The following TMEM108 variants were observed in gnomAD, a reference collection of about 807,000 sequenced individuals.
TMEM108 encodes transmembrane protein 108.
TMEM108 carries 12 observed loss-of-function variants against 35.1 expected under a neutral mutation model. That is an observed-to-expected ratio of 0.34 (90% CI 0.22 to 0.55). The LOEUF (loss-of-function observed/expected upper bound fraction) is 0.55. Among genes scored for constraint, TMEM108 ranks in the 20% least tolerant of loss-of-function variants. The probability of loss-of-function intolerance (pLI) is 0.89; values close to 1 mark genes in which losing one functional copy is unlikely to be tolerated. For synonymous variants in TMEM108, 287 were observed against 308.6 expected, an observed-to-expected ratio of 0.93 and a Z score of 0.73; for missense variants, 680 against 753.3, an observed-to-expected ratio of 0.90 and a Z score of 1.14.
chr3:133,321,961 T>A (rs940780486), intron 3 of TMEM108, among the ~76,000 whole-genome samples: 1 of 152,116 alleles, frequency 6.6e-6, no homozygotes, highest in Non-Finnish European at 1.5e-5. Flanking sequence ...AGATGGAAAT[T>A]AAAAATCCTT....
At chr3:133,340,462 A>C (rs145232205) in intron 3 of TMEM108, among the ~76,000 whole-genome samples, 276 of 151,706 alleles carry the variant, frequency 1.8e-3, no homozygotes, top group Non-Finnish European at 3.5e-3. Flanking sequence ...TAGCAAAGAA[A>C]AGCCCAGTCT....
intron 2 of TMEM108, among the ~76,000 whole-genome samples, chr3:133,218,609 T>C (rs1329328406): frequency 6.6e-6 from 1 of 152,044 alleles, no homozygotes; most frequent in Non-Finnish European, 1.5e-5. Context: ...ATTATCATGT[T>C]AGGATGTTGA....
chr3:133,180,175 C>G (rs1945310998), intron 2 of TMEM108, among the ~76,000 whole-genome samples: 1 of 152,084 alleles, frequency 6.6e-6, no homozygotes. Context: ...TAGCTTCATT[C>G]TATCTAATGT....
Position 133,212,319 on chromosome 3 carries a change from T to A in TMEM108, c.-46-16947T>A, listed in dbSNP as rs192936502. Among the ~76,000 whole-genome samples, 325 of 152,214 alleles carry A rather than the reference T, an allele frequency of 2.1e-3. 1 individual carries two copies. The highest frequency in any genetic ancestry group is 7.4e-3 in the African/African-American group (306 of 41,536). On this transcript the variant is annotated intron_variant, in intron 2 of 5. Transcript: ENST00000321871. ...CTTTTCTTAAAAACTTAGGAGAAAA[T>A]TTTTGAGAGAATTTTCTGTTTTCTT...
chr3:133,385,778 T>G (rs2073132503), intron 4 of TMEM108, among the ~76,000 whole-genome samples: 1 of 152,212 alleles, frequency 6.6e-6, no homozygotes, highest in African/African-American at 2.4e-5. Context: ...CTCTTAACAT[T>G]TGTTGGCTGT....
chr3:133,329,013 C>A (rs1416570004), intron 3 of TMEM108, among the ~76,000 whole-genome samples: 1 of 151,764 alleles, frequency 6.6e-6, no homozygotes, highest in African/African-American at 2.4e-5. Context: ...TCTTCACACC[C>A]ACCCCCAACC....
At chr3:133,365,431 A>G (rs2072476546) in intron 3 of TMEM108, among the ~76,000 whole-genome samples, 1 of 152,214 alleles carries the variant, frequency 6.6e-6, no homozygotes, top group South Asian at 2.1e-4. Flanking sequence ...AAGGGAGGGC[A>G]CAGGAAATAC....
intron 3 of TMEM108, among the ~76,000 whole-genome samples, chr3:133,287,084 G>T (rs1946996131): frequency 1.3e-5 from 2 of 152,120 alleles, no homozygotes; most frequent in South Asian, 4.1e-4. Context: ...GGAGGCTCAG[G>T]TCCCTCAAAG....
intron 3 of TMEM108, among the ~76,000 whole-genome samples, chr3:133,361,203 A>C (rs1468539618): frequency 1.3e-5 from 2 of 152,198 alleles, no homozygotes; most frequent in Non-Finnish European, 2.9e-5. Flanking sequence ...AGGCATTGCG[A>C]CAGACCCACT....
At chr3:133,296,605 A>C (rs1694369835) in intron 3 of TMEM108, among the ~76,000 whole-genome samples, 1 of 151,984 alleles carries the variant, frequency 6.6e-6, no homozygotes, top group African/African-American at 2.4e-5. Context: ...ATTTGTCCAG[A>C]TCTCTGTCCC....
At chr3:133,266,916 C>CAAA (rs11389496) in intron 3 of TMEM108, among the ~76,000 whole-genome samples, 30 of 121,332 alleles carry the variant, frequency 2.5e-4, no homozygotes, top group African/African-American at 7.4e-4. Context: ...ACTAAAAATC[C>CAAA]AAAAAAAAAA....
intron 2 of TMEM108, among the ~76,000 whole-genome samples, chr3:133,227,189 CTTTTT>C (rs35518753): frequency 1.1e-4 from 9 of 83,492 alleles, no homozygotes; most frequent in Admixed American, 1.4e-4. Flanking sequence ...GAAGGCCTTT[CTTTTT>C]TTTTTTTTTT....
At chr3:133,161,006 T>G (rs1450306195) in intron 2 of TMEM108, among the ~76,000 whole-genome samples, 1 of 152,214 alleles carries the variant, frequency 6.6e-6, no homozygotes, top group Non-Finnish European at 1.5e-5. Context: ...ATTGCCAATA[T>G]GATCTTTTAA....
At chr3:133,162,742 C>T (rs1944979229) in intron 2 of TMEM108, among the ~76,000 whole-genome samples, 1 of 152,184 alleles carries the variant, frequency 6.6e-6, no homozygotes, top group Non-Finnish European at 1.5e-5. Flanking sequence ...ACCTGCTGGC[C>T]TCAACTGATT....
chr3:133,042,531 G>T (rs964052560), intron 1 of TMEM108, among the ~76,000 whole-genome samples: 11 of 152,166 alleles, frequency 7.2e-5, no homozygotes, highest in African/African-American at 2.4e-4. Context: ...ATATGGTTAG[G>T]TGATTCTCAT....
intron 3 of TMEM108, among the ~76,000 whole-genome samples, chr3:133,284,323 C>T (rs528513609): frequency 6.6e-6 from 1 of 152,258 alleles, no homozygotes; most frequent in South Asian, 2.1e-4. Context: ...ACCTTCACAC[C>T]CTCTGTTGAA....
intron 2 of TMEM108, chr3:133,124,767 G>A (rs1559839846): frequency 1.3e-5 from 2 of 152,358 alleles, no homozygotes; most frequent in African/African-American, 4.8e-5. Context: ...GAGTGAGATG[G>A]TGGTGTGTGT....
chr3:133,317,787 C>T (rs985733191), intron 3 of TMEM108, among the ~76,000 whole-genome samples: 1 of 152,062 alleles, frequency 6.6e-6, no homozygotes, highest in South Asian at 2.1e-4. Context: ...CAAACAAAAC[C>T]GAACAAATCC....
chr3:133,212,549 G>A (rs1192742446), intron 2 of TMEM108, among the ~76,000 whole-genome samples: 1 of 152,010 alleles, frequency 6.6e-6, no homozygotes, highest in Non-Finnish European at 1.5e-5. Flanking sequence ...AGATAGACTA[G>A]GACTAGCACA....
Sources: gnomAD v4.1 joint callset for allele counts (sites outside exome capture counted in the v4.1 genomes callset) on GRCh38, gnomAD v4.1.1 for gene constraint, MANE v1.5 for transcripts, NCBI Gene and HGNC (gene_info 2026-07-23, HGNC 2026-07-21) for gene names.